Variants in TOGARAM1 observed in about 807,000 individuals in gnomAD.
TOGARAM1 encodes TOG array regulator of axonemal microtubules 1.
TOGARAM1 carries 100 observed loss-of-function variants against 166.6 expected under a neutral mutation model. The observed-to-expected ratio is 0.60, with a 90% CI of 0.51 to 0.71. The LOEUF (loss-of-function observed/expected upper bound fraction) is 0.71. Ranked by LOEUF, TOGARAM1 falls within the 30% of genes least tolerant of loss-of-function variation. TOGARAM1 has a pLI of 0.00. For synonymous variants in TOGARAM1, 758 were observed against 763.8 expected (o/e 0.99, Z 0.13); for missense variants, 2,029 against 2,102.7 (o/e 0.96, Z 0.69).
At chr14:45,021,463 G>C (rs1390635701) in intron 7 of TOGARAM1, among the ~76,000 whole-genome samples, 2 of 152,118 alleles carry the variant, frequency 1.3e-5, no homozygotes, top group African/African-American at 4.8e-5. Context: ...GGGGGTAAGA[G>C]AACAGTAAAG....
intron 1 of TOGARAM1, among the ~76,000 whole-genome samples, chr14:44,990,897 CCTCAGCCTCCCAA>C (rs1165443018): frequency 6.6e-6 from 1 of 150,566 alleles, no homozygotes; most frequent in Non-Finnish European, 1.5e-5. Flanking sequence ...GACCCTCCCA[CCTCAGCCTCCCAA>C]AATGCAGGGA....
chr14:44,970,120 C>G (rs943049275), intron 1 of TOGARAM1, among the ~76,000 whole-genome samples: 5 of 152,112 alleles, frequency 3.3e-5, no homozygotes, highest in Admixed American at 6.5e-5. Context: ...ATCTATAGAT[C>G]AAGTTGAGAA....
chr14:45,036,376 T>C (rs1434013854), intron 11 of TOGARAM1, among the ~76,000 whole-genome samples: 1 of 152,018 alleles, frequency 6.6e-6, no homozygotes, highest in African/African-American at 2.4e-5. Flanking sequence ...CCTAGTGAGA[T>C]TAGATTAAAA....
At chr14:45,024,025 G>A (rs1245843722) in intron 7 of TOGARAM1, among the ~76,000 whole-genome samples, 1 of 152,186 alleles carries the variant, frequency 6.6e-6, no homozygotes, top group Non-Finnish European at 1.5e-5. Flanking sequence ...ACAGGCGTGA[G>A]CCACCATGCC....
intron 1 of TOGARAM1, among the ~76,000 whole-genome samples, chr14:44,969,301 A>G (rs1003419046): frequency 2.0e-5 from 3 of 150,940 alleles, no homozygotes; most frequent in Non-Finnish European, 4.4e-5. Context: ...ACAGGCCCAC[A>G]CCATCATGCC....
chr14:44,993,020 T>A (rs970996454), intron 1 of TOGARAM1, among the ~76,000 whole-genome samples: 1 of 151,546 alleles, frequency 6.6e-6, no homozygotes, highest in Non-Finnish European at 1.5e-5. Flanking sequence ...CTCAGCACTT[T>A]GAGAGGCCAA....
At chr14:44,978,265 A>G (rs1381791439) in intron 1 of TOGARAM1, 2 of 152,206 alleles carry the variant, frequency 1.3e-5, no homozygotes, top group Admixed American at 6.5e-5. Flanking sequence ...TGTGCCCTCC[A>G]AAAAAGGTGG....
chr14:44,972,359 A>G (rs1885933577), intron 1 of TOGARAM1, among the ~76,000 whole-genome samples: 1 of 152,166 alleles, frequency 6.6e-6, no homozygotes, highest in Non-Finnish European at 1.5e-5. Context: ...TGTTGGATAA[A>G]GTAATCTATA....
chr14:45,005,660 C>G (rs1887917155), intron 4 of TOGARAM1, among the ~76,000 whole-genome samples: 1 of 152,052 alleles, frequency 6.6e-6, no homozygotes, highest in Admixed American at 6.6e-5. Flanking sequence ...TGAAGGAATC[C>G]TCTGCGTCCC....
chr14:45,019,369 G>A (rs1176732625), intron 7 of TOGARAM1, among the ~76,000 whole-genome samples: 1 of 151,796 alleles, frequency 6.6e-6, no homozygotes. Context: ...TTCCAGAATT[G>A]TCTTTCTAAA....
At chr14:45,015,618 G>T (rs916298829) in intron 7 of TOGARAM1, among the ~76,000 whole-genome samples, 3 of 150,850 alleles carry the variant, frequency 2.0e-5, no homozygotes, top group African/African-American at 7.3e-5. Flanking sequence ...TAACATTTGG[G>T]TACTTAAAAT....
chr14:45,032,354 A>G lies in TOGARAM1; in HGVS notation c.3790A>G (p.Arg1264Gly). Residue 1264 changes from arginine to glycine, a missense_variant, in exon 11 of 20, where the codon AGG (arginine) becomes GGG (glycine). By Grantham distance (125) the Arg-to-Gly change is moderately radical. Transcript: ENST00000361462. ...KPEIALTEAL[R>G]LLADEDWEKK... is the part of the protein sequence containing the mutation. ...AGAAATAGCACTGACAGAAGCCCTGAGGCTTTTGGCTGATGAGGATTGGTA... is the reference window on the plus strand; with the variant it reads ...AGAAATAGCACTGACAGAAGCCCTGGGGCTTTTGGCTGATGAGGATTGGTA... 6.2e-7 allele frequency: 1 copy of G among 1,613,960 alleles called. No homozygotes were observed. Among genetic ancestry groups the G allele is most frequent in the Non-Finnish European group, 8.5e-7 (1 of 1,179,954 alleles).
chr14:44,969,511 T>C (rs533330220), intron 1 of TOGARAM1, among the ~76,000 whole-genome samples: 36 of 152,226 alleles, frequency 2.4e-4, no homozygotes, highest in Non-Finnish European at 4.8e-4. Context: ...TCTCATTCTC[T>C]TGACATTAAC....
Position 44,995,805 on chromosome 14 carries a change from C to G in TOGARAM1, c.2106C>G (p.Val702=), listed in dbSNP as rs1323922836. 6.2e-7 allele frequency: 1 copy of G among 1,604,724 alleles called. No individual in the cohort carries two copies. Among genetic ancestry groups the G allele is most frequent in the Admixed American group, 1.7e-5 (1 of 58,308 alleles). The part of the protein sequence containing the change: ...AKLKLSQGMP[V]NDDLCFSRKR... ...TAAAGCTTTCTCAAGGAATGCCAGT[C>G]AATGATGATTTATGTTTTAGCAGAA... Residue 702 remains valine, a synonymous_variant, in exon 2 of 20, where the codon GTC becomes GTG. Coordinates refer to ENST00000361462, the MANE Select transcript of TOGARAM1 (RefSeq NM_001308120.2).
At chr14:45,024,409 C>G (rs569279635) in intron 7 of TOGARAM1, among the ~76,000 whole-genome samples, 126 of 152,010 alleles carry the variant, frequency 8.3e-4, no homozygotes, top group Middle Eastern at 3.4e-3. Context: ...AGAATTGAGA[C>G]TTAATGAACA....
chr14:44,995,601 TG>T, intron 1 of TOGARAM1, 144 bp from the exon 2 acceptor site: 1 of 678,118 alleles, frequency 1.5e-6, no homozygotes, highest in Non-Finnish European at 2.6e-6. Flanking sequence ...CGACTAAATA[TG>T]GATGTTTATC....
At chr14:45,023,010 C>T (rs1880614892) in intron 7 of TOGARAM1, 1 of 152,174 alleles carries the variant, frequency 6.6e-6, no homozygotes, top group Non-Finnish European at 1.5e-5. Flanking sequence ...TATATTTACC[C>T]TTTTCCTTCT....
intron 3 of TOGARAM1, among the ~76,000 whole-genome samples, chr14:45,000,287 C>T (rs74732402): frequency 0.034 from 5,218 of 152,270 alleles, 290 homozygotes; most frequent in African/African-American, 0.12. Context: ...GCATGAGCCA[C>T]TGTGCCCGGC....
chr14:44,964,547 C>T, intron 1 of TOGARAM1, 80 bp downstream of exon 1: 1 of 1,428,848 alleles, frequency 7.0e-7, no homozygotes. Context: ...AAGGGTCAGC[C>T]TGCTTGAGGG....
Sources: allele counts gnomAD v4.1 joint callset (sites outside exome capture counted in the v4.1 genomes callset), GRCh38; gene constraint gnomAD v4.1.1; transcripts MANE v1.5; gene names NCBI Gene and HGNC (gene_info 2026-07-23, HGNC 2026-07-21).